ZBTB20: variants seen among roughly 807,000 people sequenced by gnomAD.
ZBTB20 encodes the protein zinc finger and BTB domain containing 20.
A neutral mutation model predicts 56.9 loss-of-function variants in ZBTB20; 9 were observed. That is an observed-to-expected ratio of 0.16 (90% confidence interval 0.10 to 0.28). The LOEUF is 0.28. Ranked by LOEUF, ZBTB20 falls within the 10% of genes least tolerant of loss-of-function variation. The pLI, the probability that ZBTB20 is intolerant of heterozygous loss-of-function variation, is 1.00. For synonymous variants in ZBTB20, 417 were observed against 420.7 expected (o/e 0.99, Z 0.11); for missense variants, 655 against 1,003.0 (o/e 0.65, Z 4.69).
intron 2 of ZBTB20, among the ~76,000 whole-genome samples, chr3:115,015,755 T>C (rs772600979): frequency 6.6e-6 from 1 of 151,954 alleles, no homozygotes; most frequent in Non-Finnish European, 1.5e-5. Context: ...GTCTCTGTTA[T>C]TGTGAATACT....
chr3:115,029,180 A>G (rs761560090), intron 2 of ZBTB20, among the ~76,000 whole-genome samples: 9 of 150,848 alleles, frequency 6.0e-5, no homozygotes, highest in Non-Finnish European at 1.0e-4. Flanking sequence ...ACACTACAAG[A>G]AAAATGTCAG....
At chr3:114,909,218 T>G (rs903868612) in intron 3 of ZBTB20, among the ~76,000 whole-genome samples, 6 of 151,978 alleles carry the variant, frequency 3.9e-5, no homozygotes, top group Non-Finnish European at 5.9e-5. Flanking sequence ...CCCGACCCTG[T>G]GTAGACCTGG....
intron 7 of ZBTB20, among the ~76,000 whole-genome samples, chr3:114,429,243 T>C (rs1471164436): frequency 2.0e-5 from 3 of 152,170 alleles, no homozygotes; most frequent in Non-Finnish European, 4.4e-5. Context: ...GTATAGTTGT[T>C]TTATATCTAC....
At chr3:114,430,432 C>T (rs2090033887) in intron 7 of ZBTB20, among the ~76,000 whole-genome samples, 2 of 152,280 alleles carry the variant, frequency 1.3e-5, no homozygotes, top group South Asian at 4.1e-4. Flanking sequence ...TATAAGCCTG[C>T]TAAGGGAGAA....
chr3:114,383,444 C>T (rs956302197), intron 8 of ZBTB20, among the ~76,000 whole-genome samples: 1 of 152,162 alleles, frequency 6.6e-6, no homozygotes, highest in African/African-American at 2.4e-5. Flanking sequence ...TCCCTAGATT[C>T]GCTCTTGTTT....
chr3:114,742,422 T>G (rs1011767156), intron 5 of ZBTB20, among the ~76,000 whole-genome samples: 1 of 152,272 alleles, frequency 6.6e-6, no homozygotes, highest in African/African-American at 2.4e-5. Context: ...GCCCCCTCTT[T>G]TGCTTTACAG....
chr3:114,951,778 G>A (rs1477693805), intron 3 of ZBTB20, among the ~76,000 whole-genome samples: 1 of 152,152 alleles, frequency 6.6e-6, no homozygotes, highest in African/African-American at 2.4e-5. Context: ...CTAGGAACAT[G>A]TGAACTCATA....
intron 3 of ZBTB20, among the ~76,000 whole-genome samples, chr3:114,944,038 T>G (rs2076808366): frequency 6.9e-6 from 1 of 145,804 alleles, no homozygotes; most frequent in Non-Finnish European, 1.5e-5. Context: ...GATAACTGAT[T>G]GCTCATGAAA....
intron 5 of ZBTB20, among the ~76,000 whole-genome samples, chr3:114,770,345 C>A (rs771281740): frequency 6.6e-6 from 1 of 151,412 alleles, no homozygotes; most frequent in African/African-American, 2.4e-5. Context: ...GAGGCTGAGG[C>A]AGGAAAATCA....
chr3:115,090,251 A>G (rs556838596), intron 1 of ZBTB20, among the ~76,000 whole-genome samples: 1 of 151,954 alleles, frequency 6.6e-6, no homozygotes, highest in Non-Finnish European at 1.5e-5. Flanking sequence ...CCCATTAATA[A>G]TGGAGCTCAG....
At chr3:114,533,439 G>A (rs548751063) in intron 6 of ZBTB20, among the ~76,000 whole-genome samples, 1 of 151,916 alleles carries the variant, frequency 6.6e-6, no homozygotes. Context: ...CAAGGTTAGA[G>A]AAAAAAGAAT....
At chr3:114,891,543 C>T (rs1471223208) in intron 4 of ZBTB20, among the ~76,000 whole-genome samples, 1 of 152,114 alleles carries the variant, frequency 6.6e-6, no homozygotes, top group South Asian at 2.1e-4. Context: ...TATGTCATAG[C>T]TTCTCTCAAA....
chr3:114,402,403 GAGA>G (rs2086903219), intron 7 of ZBTB20, among the ~76,000 whole-genome samples: 1 of 152,176 alleles, frequency 6.6e-6, no homozygotes, highest in Non-Finnish European at 1.5e-5. Flanking sequence ...AAGGAAAAGA[GAGA>G]AGAAGAGGAA....
intron 6 of ZBTB20, among the ~76,000 whole-genome samples, chr3:114,554,286 C>T (rs377129472): frequency 4.8e-4 from 73 of 152,266 alleles, no homozygotes; most frequent in African/African-American, 1.5e-3. Flanking sequence ...TCCCATAGCA[C>T]GTGTCCTTTT....
At position 114,372,993 on chromosome 3, in the gene ZBTB20, T is replaced by C. The variant is rs370182123; in HGVS notation, c.199+7224A>G. ...GTGCAGTGGTGCAATCTCGGCTCAC[T>C]GCAACCTCCGCCTCCTGGGTTCAAG... On this transcript the variant is annotated intron_variant, in intron 10 of 11. Transcript: ENST00000675478. Among the ~76,000 whole-genome samples the C allele has an allele frequency of 6.0e-4, 91 of 152,248 alleles. 3 individuals carry two copies. The South Asian group carries it at 0.018, about 30-fold the overall frequency.
intron 3 of ZBTB20, among the ~76,000 whole-genome samples, chr3:114,917,630 T>C (rs2075796281): frequency 6.6e-6 from 1 of 152,186 alleles, no homozygotes; most frequent in Non-Finnish European, 1.5e-5. Flanking sequence ...ACTCATAGAA[T>C]TACCATATTG....
Position 114,753,442 on chromosome 3 carries a change from CT to C in ZBTB20, c.-343+47658del, listed in dbSNP as rs1390088058. ...ATATATATATATATATACACACACA[CT>C]TTTTTTTTTGAGACAGAGTTTCGCT... On this transcript the variant is annotated intron_variant, in intron 5 of 11. Coordinates refer to ENST00000675478, the MANE Select transcript of ZBTB20 (RefSeq NM_001348800.3). Among the ~76,000 whole-genome samples the C allele has an allele frequency of 1.7e-3, 16 of 9,382 alleles. 3 individuals are homozygous for C. The highest frequency in any genetic ancestry group is 2.4e-3 in the African/African-American group (15 of 6,150). The allele number at this position is 9,382 out of a possible 152,430, so 6.2% of individuals were successfully genotyped here.
chr3:114,984,696 ACT>A (rs2078463270), intron 2 of ZBTB20, among the ~76,000 whole-genome samples: 1 of 152,022 alleles, frequency 6.6e-6, no homozygotes, highest in African/African-American at 2.4e-5. Flanking sequence ...CAATTCAATA[ACT>A]CTCATTTTAG....
In ZBTB20 at chr3:114,367,451, G is replaced by A. The variant is rs1420679936; in HGVS notation, c.199+12766C>T. Among the ~76,000 whole-genome samples the A allele has an allele frequency of 3.3e-5, 5 of 152,136 alleles. 1 individual carries two copies. Among genetic ancestry groups the A allele is most frequent in the African/African-American group, 7.2e-5 (3 of 41,438 alleles). On this transcript the variant is annotated intron_variant, in intron 10 of 11. Transcript: ENST00000675478. ...CCGCTAACTGTTTTGTAGAGATGGG[G>A]TTTCACTATGTTGCTGAGGCTGGTC...
Sources: gnomAD v4.1 joint callset for allele counts (sites outside exome capture counted in the v4.1 genomes callset) on GRCh38, gnomAD v4.1.1 for gene constraint, MANE v1.5 for transcripts, NCBI Gene and HGNC (gene_info 2026-07-23, HGNC 2026-07-21) for gene names.